SLMAP: variants seen among roughly 807,000 people sequenced by gnomAD.
The protein encoded by SLMAP is sarcolemmal membrane-associated protein.
A neutral mutation model predicts 128.8 loss-of-function variants in SLMAP; 44 were observed. The ratio of observed to expected loss-of-function variants is 0.34; its 90% confidence interval spans 0.27 to 0.44. The LOEUF (loss-of-function observed/expected upper bound fraction) is 0.44, where lower values mean the gene tolerates loss of function less well. Ranked by LOEUF, SLMAP falls within the 20% of genes least tolerant of loss-of-function variation. The probability of loss-of-function intolerance (pLI) is 1.00; values close to 1 mark genes in which losing one functional copy is unlikely to be tolerated. For synonymous variants in SLMAP, 327 were observed against 348.8 expected (o/e 0.94, Z 0.70); for missense variants, 787 against 985.3 (o/e 0.80, Z 2.69).
intron 8 of SLMAP, among the ~76,000 whole-genome samples, 177 bp from the exon 9 acceptor site, chr3:57,860,522 A>G (rs2094998036): frequency 6.6e-6 from 1 of 152,184 alleles, no homozygotes; most frequent in South Asian, 2.1e-4. Context: ...TTGTGAAGGC[A>G]TAATTTACTT....
chr3:57,778,650 C>T (rs529989669), intron 2 of SLMAP, among the ~76,000 whole-genome samples: 23 of 149,302 alleles, frequency 1.5e-4, no homozygotes, highest in Non-Finnish European at 2.8e-4. Context: ...TCATAGCTCA[C>T]CACAGCCTCA....
At chr3:57,791,793 A>C (rs1373323042) in intron 2 of SLMAP, among the ~76,000 whole-genome samples, 2 of 152,134 alleles carry the variant, frequency 1.3e-5, no homozygotes, top group South Asian at 4.1e-4. Context: ...CTTTTACTAA[A>C]CTTTAGAGTT....
At chr3:57,757,974 CACGAATCA>C in intron 2 of SLMAP, 125 bp downstream of exon 2, 4 of 752,376 alleles carry the variant, frequency 5.3e-6, no homozygotes, top group Non-Finnish European at 8.9e-6. Context: ...TGCGCAAAGC[CACGAATCA>C]ACTGTTTGTG....
intron 2 of SLMAP, chr3:57,800,532 C>T (rs1224778954): frequency 6.6e-6 from 1 of 152,540 alleles, no homozygotes; most frequent in African/African-American, 2.4e-5. Flanking sequence ...TAGAGTCAGT[C>T]CTCTTGCTTC....
chr3:57,862,893 A>G (rs972353299), intron 10 of SLMAP, among the ~76,000 whole-genome samples: 1 of 152,182 alleles, frequency 6.6e-6, no homozygotes, highest in Admixed American at 6.5e-5. Flanking sequence ...ATTTAGCCCA[A>G]CCTCCATTAC....
At chr3:57,845,435 G>A (rs571007324) in intron 4 of SLMAP, among the ~76,000 whole-genome samples, 14 of 152,298 alleles carry the variant, frequency 9.2e-5, no homozygotes, top group South Asian at 2.1e-4. Flanking sequence ...TTCTTACAGT[G>A]TTTGCAGTTA....
chr3:57,888,720 A>G (rs1379613471), intron 14 of SLMAP, among the ~76,000 whole-genome samples: 1 of 152,148 alleles, frequency 6.6e-6, no homozygotes, highest in Non-Finnish European at 1.5e-5. Flanking sequence ...ATAAATATCT[A>G]AAATGGAAAA....
intron 2 of SLMAP, 104 bp downstream of exon 2, chr3:57,757,953 A>C (rs1439488514): frequency 3.0e-6 from 3 of 993,060 alleles, no homozygotes; most frequent in African/African-American, 1.6e-5. Context: ...GTTTGCATCC[A>C]GAGGAGGCTT....
At chr3:57,856,612 CCTT>C (rs1324230748) in intron 6 of SLMAP, among the ~76,000 whole-genome samples, 1 of 152,088 alleles carries the variant, frequency 6.6e-6, no homozygotes, top group African/African-American at 2.4e-5. Context: ...GATAACAGTG[CCTT>C]CTTCTGGATA....
At chr3:57,861,797 G>A (rs1217300985) in intron 9 of SLMAP, 152 bp from the exon 10 acceptor site, 4 of 577,266 alleles carry the variant, frequency 6.9e-6, no homozygotes, top group Admixed American at 3.6e-5. Flanking sequence ...AAATTCTTAT[G>A]TTATTTGACT....
chr3:57,863,124 G>A (rs973324456), intron 10 of SLMAP, among the ~76,000 whole-genome samples: 1 of 152,188 alleles, frequency 6.6e-6, no homozygotes. Context: ...AGCCCAGAGA[G>A]AATCTGGGAA....
At chr3:57,839,434 ATTTTT>A (rs1189313640) in intron 3 of SLMAP, among the ~76,000 whole-genome samples, 2 of 82,864 alleles carry the variant, frequency 2.4e-5, no homozygotes, top group Admixed American at 3.0e-4. Context: ...CATTAGCTCT[ATTTTT>A]TTTTTTTTTT....
intron 3 of SLMAP, among the ~76,000 whole-genome samples, chr3:57,838,421 A>G (rs1270962381): frequency 1.3e-5 from 2 of 152,190 alleles, no homozygotes; most frequent in Non-Finnish European, 2.9e-5. Flanking sequence ...GAGTAATGGG[A>G]GCTATAAAAT....
intron 13 of SLMAP, 63 bp downstream of exon 13, chr3:57,865,355 A>G: frequency 4.3e-6 from 3 of 701,720 alleles, no homozygotes; most frequent in Non-Finnish European, 7.0e-6. Flanking sequence ...TTTAAGCAGG[A>G]TAAGGAGTTC....
chr3:57,875,887 A>C, intron 14 of SLMAP, among the ~76,000 whole-genome samples: 1 of 152,242 alleles, frequency 6.6e-6, no homozygotes, highest in East Asian at 1.9e-4. Context: ...AGCAAGACAA[A>C]TTCAGCAAAT....
At chr3:57,775,509 C>CCAAAAAAAA (rs2081698204) in intron 2 of SLMAP, among the ~76,000 whole-genome samples, 2 of 21,180 alleles carry the variant, frequency 9.4e-5, no homozygotes, top group Non-Finnish European at 2.9e-4. Context: ...CCTGTTGGTA[C>CCAAAAAAAA]AAAAAAAAAA....
rs191546199 is a variant in SLMAP at position 57,852,725 on chromosome 3, T to C, written c.519+2909T>C. ...TCATATGAGAAATGTGGGGCTCATA[T>C]AGGTTAAATTATTTGCCCAGGCATG... is the stretch of plus-strand genomic sequence containing the variant. On this transcript the variant is annotated intron_variant, in intron 6 of 24. Transcript: ENST00000671191. Among the ~76,000 whole-genome samples the C allele has an allele frequency of 2.0e-5, 3 of 152,312 alleles. No homozygotes were observed. In the East Asian group the frequency reaches 5.8e-4, roughly 29 times the overall value.
chr3:57,774,877 T>C (rs1166561691), intron 2 of SLMAP, among the ~76,000 whole-genome samples: 1 of 152,052 alleles, frequency 6.6e-6, no homozygotes, highest in Non-Finnish European at 1.5e-5. Context: ...ATGATTGTGC[T>C]TCATATATTT....
At chr3:57,843,775 C>CTTTTTTTTTTTTTTTTTTTTTTTTT (rs775541858) in intron 4 of SLMAP, among the ~76,000 whole-genome samples, 1 of 77,126 alleles carries the variant, frequency 1.3e-5, no homozygotes, top group Non-Finnish European at 2.4e-5. Flanking sequence ...TCTTTTCTTT[C>CTTTTTTTTTTTTTTTTTTTTTTTTT]TTTTTTTTTT....
Sources: allele counts gnomAD v4.1 joint callset (sites outside exome capture counted in the v4.1 genomes callset), GRCh38; gene constraint gnomAD v4.1.1; transcripts MANE v1.5; gene names NCBI Gene and HGNC (gene_info 2026-07-23, HGNC 2026-07-21).